AK8: variants seen among roughly 807,000 people sequenced by gnomAD.
AK8 encodes ATP-AMP transphosphorylase 8.
Under a neutral mutation model 54.6 loss-of-function variants are expected in AK8, and 44 were observed. That is an observed-to-expected ratio of 0.81 (90% CI 0.63 to 1.04). The LOEUF is 1.04. Among genes scored for constraint, AK8 ranks in the 50% least tolerant of loss-of-function variants. The pLI, the probability that AK8 is intolerant of heterozygous loss-of-function variation, is 0.00. For missense variants in AK8, 555 were observed against 613.6 expected (o/e 0.90, Z 1.01); for synonymous variants, 239 against 245.6 (o/e 0.97, Z 0.25).
At chr9:132,862,742 C>T (rs1317463677) in intron 4 of AK8, among the ~76,000 whole-genome samples, 1 of 152,198 alleles carries the variant, frequency 6.6e-6, no homozygotes, top group Admixed American at 6.5e-5. Context: ...CTCAACAGAG[C>T]TGACTGTGCC....
intron 5 of AK8, among the ~76,000 whole-genome samples, chr9:132,842,473 C>A (rs916727791): frequency 7.3e-5 from 11 of 150,980 alleles, no homozygotes; most frequent in African/African-American, 2.5e-4. Flanking sequence ...GCATGTGTAA[C>A]AGGCAGGTCG....
intron 5 of AK8, among the ~76,000 whole-genome samples, chr9:132,829,834 C>T (rs1842034627): frequency 6.6e-6 from 1 of 152,122 alleles, no homozygotes; most frequent in African/African-American, 2.4e-5. Context: ...GGATTACTGG[C>T]GTGAGCCACT....
At position 132,749,150 on chromosome 9, in the gene AK8, C is replaced by T. The variant is rs768201974; in HGVS notation, c.1122-21616G>A. Among the ~76,000 whole-genome samples, 8 of 151,880 alleles carry T rather than the reference C, an allele frequency of 5.3e-5. 1 individual carries two copies. Among genetic ancestry groups the T allele is most frequent in the Non-Finnish European group, 1.2e-4 (8 of 67,890 alleles). ...TGGCCTCCCAAAGTGCTGGGATTAC[C>T]GGCGTGAGCCACTGCGCCCAGTAAA... On this transcript the variant is annotated intron_variant, in intron 11 of 12. Transcript: ENST00000298545.
At chr9:132,774,389 T>C (rs938790559) in intron 11 of AK8, among the ~76,000 whole-genome samples, 137 of 152,294 alleles carry the variant, frequency 9.0e-4, no homozygotes, top group Admixed American at 3.7e-3. Context: ...TCTTAAAAGT[T>C]TTTTTATATA....
chr9:132,846,571 G>A (rs1842762522), intron 5 of AK8, among the ~76,000 whole-genome samples: 1 of 152,214 alleles, frequency 6.6e-6, no homozygotes, highest in African/African-American at 2.4e-5. Context: ...AGGAAACACT[G>A]ACTGGGGAGC....
Position 132,781,084 on chromosome 9 carries a change from A to G in AK8, c.1121+11550T>C, listed in dbSNP as rs532450079. Among the ~76,000 whole-genome samples, 1 of 152,364 alleles carries G rather than the reference A, an allele frequency of 6.6e-6. No individual in the cohort carries two copies. Among genetic ancestry groups the G allele is most frequent in the South Asian group, 2.1e-4 (1 of 4,828 alleles). On this transcript the variant is annotated intron_variant, in intron 11 of 12. Transcript: ENST00000298545. The surrounding 1 kb of genome is among the most constrained non-coding windows in gnomAD (Gnocchi z 4.6). ...AGAAAATACTGTGCTACAAGCTTGCAGCATGAAATGAATTATTTTACAGCC... is the reference window on the plus strand; with the variant it reads ...AGAAAATACTGTGCTACAAGCTTGCGGCATGAAATGAATTATTTTACAGCC...
intron 11 of AK8, among the ~76,000 whole-genome samples, chr9:132,739,460 A>AAAAAG (rs1837268329): frequency 6.8e-6 from 1 of 146,940 alleles, no homozygotes; most frequent in Non-Finnish European, 1.5e-5. Flanking sequence ...AAAAAAAAAA[A>AAAAAG]AAAAAAAAAA....
rs1222440547 is a variant in AK8 at position 132,803,773 on chromosome 9, C to T, written c.979+10865G>A. 2.6e-5 allele frequency among the ~76,000 whole-genome samples: 4 copies of T among 152,118 alleles called. No homozygotes were observed. Among genetic ancestry groups the T allele is most frequent in the African/African-American group, 7.2e-5 (3 of 41,404 alleles). ...GCCTCCCTTCTAGAAATCCTTCAGG[C>T]TGCATGCTGCCCCCTGTGACCTGTC... On this transcript the variant is annotated intron_variant, in intron 10 of 12. Coordinates refer to ENST00000298545, the MANE Select transcript of AK8 (RefSeq NM_152572.3). This position sits in a 1 kb window ranked among gnomAD's most constrained non-coding sequence, Gnocchi z 4.4.
At chr9:132,792,833 C>T in intron 10 of AK8, 58 bp from the exon 11 acceptor site, 1 of 1,507,468 alleles carries the variant, frequency 6.6e-7, no homozygotes, top group East Asian at 2.5e-5. Context: ...GGGTCCTGGG[C>T]TTCCTAACTT....
intron 4 of AK8, among the ~76,000 whole-genome samples, chr9:132,862,538 A>G (rs1261836244): frequency 6.6e-6 from 1 of 152,046 alleles, no homozygotes; most frequent in Non-Finnish European, 1.5e-5. Flanking sequence ...CATGTTGGCC[A>G]GGCTGGTCTC....
At chr9:132,804,596 T>C (rs1342932955) in intron 10 of AK8, among the ~76,000 whole-genome samples, 5 of 152,048 alleles carry the variant, frequency 3.3e-5, no homozygotes, top group African/African-American at 7.2e-5. Flanking sequence ...TCCCTCTGTA[T>C]GTCAGGAAGT....
chr9:132,863,684 CT>C lies in AK8; in HGVS notation c.313del (p.Arg105GlyfsTer17). On this transcript the variant is annotated frameshift_variant, in exon 4 of 13. Coordinates refer to ENST00000298545, the MANE Select transcript of AK8 (RefSeq NM_152572.3). LOFTEE classifies it high-confidence loss of function. ...TCCTACCTTCCTTTGCAGATAAAGCCTTCTGGCTTCGGTGGCCGTATAGGAA... is the reference window on the plus strand; with the variant it reads ...TCCTACCTTCCTTTGCAGATAAAGCCTCTGGCTTCGGTGGCCGTATAGGAA... ...EFSYTATEAR[R>X]LYLQRKTVPS... 6.2e-7 allele frequency: 1 copy of C among 1,613,686 alleles called. No individual in the cohort carries two copies. Among genetic ancestry groups the C allele is most frequent in the Non-Finnish European group, 8.5e-7 (1 of 1,179,846 alleles).
At chr9:132,759,481 G>A (rs188337594) in intron 11 of AK8, among the ~76,000 whole-genome samples, 2 of 152,106 alleles carry the variant, frequency 1.3e-5, no homozygotes, top group Admixed American at 6.5e-5. Context: ...TGTTGTTTAC[G>A]CTCTTTGGGT....
In AK8 at chr9:132,814,278, CAAAAAAAAAAAAAAA is replaced by C. The variant is rs71376658; in HGVS notation, c.979+345_979+359del. On this transcript the variant is annotated intron_variant, in intron 10 of 12. Transcript: ENST00000298545. ...TGAGTGACAGATTGATACCCTGTCT[CAAAAAAAAAAAAAAA>C]AAAAAAAAAAAAAAAGGATGTGGGG... 2.4e-3 allele frequency among the ~76,000 whole-genome samples: 151 copies of C among 63,896 alleles called. 4 individuals carry two copies. Among genetic ancestry groups the C allele is most frequent in the Admixed American group, 1.8e-3 (9 of 4,888 alleles). 41.9% of individuals were successfully genotyped at this position (63,896 alleles called of 152,430 possible).
At position 132,725,846 on chromosome 9, in the gene AK8, G is replaced by GCT. The variant is rs1405079323; in HGVS notation, c.1280_1281dup (p.Gln428SerfsTer5). ...AACAGGTCCATTTTCAGCTTGACCT[G>GCT]CTCTTCAGCATCCTTTGGGTTCTGC... On this transcript the variant is annotated frameshift_variant, in exon 13 of 13. Coordinates refer to ENST00000298545, the MANE Select transcript of AK8 (RefSeq NM_152572.3). LOFTEE classifies it high-confidence loss of function. 11 of 1,609,282 alleles carry GCT rather than the reference G, an allele frequency of 6.8e-6. No individual in the cohort carries two copies. The highest frequency in any genetic ancestry group is 9.3e-6 in the Non-Finnish European group (11 of 1,178,416).
chr9:132,736,297 C>T (rs892079256), intron 11 of AK8, among the ~76,000 whole-genome samples: 2 of 151,748 alleles, frequency 1.3e-5, no homozygotes, highest in African/African-American at 4.8e-5. Context: ...AGCAATTCTC[C>T]TGCCTCAGCC....
At position 132,796,255 on chromosome 9, in the gene AK8, G is replaced by A. The variant is rs151311840; in HGVS notation, c.980-3480C>T. On this transcript the variant is annotated intron_variant, in intron 10 of 12. Transcript: ENST00000298545. ...TGAGTCCCTCACATTGGCCACTTACGAACCAATACAAAGTTTCTCAACTGA... is the reference window on the plus strand; with the variant it reads ...TGAGTCCCTCACATTGGCCACTTACAAACCAATACAAAGTTTCTCAACTGA... Among the ~76,000 whole-genome samples, 996 of 152,286 alleles carry A rather than the reference G, an allele frequency of 6.5e-3. 4 individuals are homozygous for A. The highest frequency in any genetic ancestry group is 0.019 in the African/African-American group (795 of 41,554).
At chr9:132,740,245 G>A (rs941636031) in intron 11 of AK8, among the ~76,000 whole-genome samples, 2 of 152,232 alleles carry the variant, frequency 1.3e-5, no homozygotes, top group African/African-American at 4.8e-5. Context: ...GCCAGGTGAT[G>A]TAAATGTCTG....
chr9:132,863,977 C>A (rs1843491485), intron 3 of AK8, among the ~76,000 whole-genome samples, 199 bp from the exon 4 acceptor site: 1 of 152,178 alleles, frequency 6.6e-6, no homozygotes, highest in Non-Finnish European at 1.5e-5. Context: ...CTGCTCATAG[C>A]ATCTCTTCTT....
Sources: gnomAD v4.1 joint callset for allele counts (sites outside exome capture counted in the v4.1 genomes callset) on GRCh38, gnomAD v4.1.1 for gene constraint, Gnocchi (gnomAD v3.1) non-coding constraint, MANE v1.5 for transcripts, NCBI Gene and HGNC (gene_info 2026-07-23, HGNC 2026-07-21) for gene names.